The following ETV6 variants were observed in gnomAD, a reference collection of about 807,000 sequenced individuals.
ETV6 encodes the protein transcription factor ETV6.
Under a neutral mutation model 51.1 loss-of-function variants are expected in ETV6, and 16 were observed. The observed-to-expected ratio is 0.31, with a 90% CI of 0.21 to 0.48. ETV6 has a LOEUF of 0.48. Ranked by LOEUF, ETV6 falls within the 20% of genes least tolerant of loss-of-function variation. ETV6 has a pLI of 0.99. For synonymous variants in ETV6, 240 were observed against 224.1 expected (o/e 1.07, Z -0.64); for missense variants, 458 against 594.8 (o/e 0.77, Z 2.39).
chr12:11,863,310 A>C (rs1946742010), intron 4 of ETV6, among the ~76,000 whole-genome samples: 1 of 152,190 alleles, frequency 6.6e-6, no homozygotes, highest in Non-Finnish European at 1.5e-5. Context: ...TTTGTAAAGA[A>C]AATTACCCCA....
chr12:11,854,790 A>G (rs1334709297), intron 4 of ETV6, among the ~76,000 whole-genome samples: 1 of 152,130 alleles, frequency 6.6e-6, no homozygotes, highest in Non-Finnish European at 1.5e-5. Context: ...AGGAAAGAAA[A>G]AAAAACCCAA....
intron 2 of ETV6, among the ~76,000 whole-genome samples, chr12:11,779,491 A>C (rs1271614189): frequency 2.0e-5 from 3 of 152,202 alleles, no homozygotes; most frequent in Non-Finnish European, 4.4e-5. Flanking sequence ...GTCAGACTCT[A>C]AAAATAGCCT....
intron 2 of ETV6, among the ~76,000 whole-genome samples, chr12:11,772,050 A>G (rs369501987): frequency 4.3e-4 from 65 of 152,380 alleles, no homozygotes; most frequent in African/African-American, 1.5e-3. Context: ...ATGACTAAAT[A>G]TAATACAGTG....
chr12:11,854,186 G>A (rs560608916), intron 4 of ETV6, among the ~76,000 whole-genome samples: 11 of 152,040 alleles, frequency 7.2e-5, no homozygotes, highest in Admixed American at 7.2e-4. Context: ...TAGATCCCGC[G>A]CATGCACAGT....
At chr12:11,709,304 C>CT (rs1865130973) in intron 1 of ETV6, among the ~76,000 whole-genome samples, 3 of 152,240 alleles carry the variant, frequency 2.0e-5, no homozygotes, top group Admixed American at 6.5e-5. Context: ...TATTCCGTTC[C>CT]TTTTTTTCTT....
At chr12:11,873,508 CTTAA>C (rs1946918122) in intron 5 of ETV6, among the ~76,000 whole-genome samples, 1 of 44,238 alleles carries the variant, frequency 2.3e-5, no homozygotes, top group Admixed American at 3.0e-4. Flanking sequence ...AACTTAGTTC[CTTAA>C]AGCTTTTCAA....
At chr12:11,660,611 A>AG (rs1555111002) in intron 1 of ETV6, among the ~76,000 whole-genome samples, 1 of 150,696 alleles carries the variant, frequency 6.6e-6, no homozygotes, top group African/African-American at 2.4e-5. Flanking sequence ...AAAAAAAAAA[A>AG]AAAAAGGGAG....
At chr12:11,657,307 A>G (rs1354170145) in intron 1 of ETV6, among the ~76,000 whole-genome samples, 1 of 152,198 alleles carries the variant, frequency 6.6e-6, no homozygotes, top group Non-Finnish European at 1.5e-5. Context: ...TCCTAGGTCC[A>G]TGTTCCTCTA....
At chr12:11,679,379 G>A (rs944342040) in intron 1 of ETV6, among the ~76,000 whole-genome samples, 27 of 152,234 alleles carry the variant, frequency 1.8e-4, no homozygotes, top group Admixed American at 1.7e-3. Context: ...GCACAGCATA[G>A]GTAGAGTAAG....
chr12:11,656,688 T>G (rs1864004922), intron 1 of ETV6, among the ~76,000 whole-genome samples: 2 of 151,836 alleles, frequency 1.3e-5, no homozygotes, highest in African/African-American at 2.4e-5. Flanking sequence ...GTGTTTTTCT[T>G]GCTTCCTCCG....
At chr12:11,704,472 G>T (rs183955273) in intron 1 of ETV6, among the ~76,000 whole-genome samples, 2 of 151,884 alleles carry the variant, frequency 1.3e-5, no homozygotes, top group African/African-American at 2.4e-5. Context: ...CCAGCCTCCC[G>T]AGCAGCTGGG....
chr12:11,890,315 T>A (rs1206297643), intron 7 of ETV6, among the ~76,000 whole-genome samples: 1 of 149,612 alleles, frequency 6.7e-6, no homozygotes, highest in Non-Finnish European at 1.5e-5. Flanking sequence ...AATCTAATTC[T>A]GTAAAAGAAA....
chr12:11,670,894 C>T (rs1234600974), intron 1 of ETV6, among the ~76,000 whole-genome samples: 1 of 152,150 alleles, frequency 6.6e-6, no homozygotes, highest in Admixed American at 6.6e-5. Flanking sequence ...GGGTTCTAAT[C>T]ATTTATAACG....
chr12:11,695,989 C>T (rs1375904036), intron 1 of ETV6, among the ~76,000 whole-genome samples: 2 of 151,926 alleles, frequency 1.3e-5, no homozygotes, highest in African/African-American at 4.8e-5. Context: ...GAGATGAGGA[C>T]CCCTAAGGCC....
intron 2 of ETV6, among the ~76,000 whole-genome samples, chr12:11,760,908 G>GTGTGTGTGTA (rs375523984): frequency 5.3e-5 from 8 of 150,334 alleles, no homozygotes; most frequent in East Asian, 2.0e-4. Flanking sequence ...GTGTGTGTGT[G>GTGTGTGTGTA]TATATAAAAG....
chr12:11,870,823 T>C (rs994720439), intron 5 of ETV6, among the ~76,000 whole-genome samples: 1 of 152,198 alleles, frequency 6.6e-6, no homozygotes, highest in African/African-American at 2.4e-5. Flanking sequence ...CACTAAGATA[T>C]AAGGCAGAAT....
chr12:11,836,902 A>G (rs957300366), intron 2 of ETV6, among the ~76,000 whole-genome samples: 1 of 152,218 alleles, frequency 6.6e-6, no homozygotes, highest in African/African-American at 2.4e-5. Flanking sequence ...AGGCCTGAGG[A>G]ACCAGACCTT....
At chr12:11,845,108 C>T (rs754496706) in intron 3 of ETV6, among the ~76,000 whole-genome samples, 1 of 152,184 alleles carries the variant, frequency 6.6e-6, no homozygotes, top group Non-Finnish European at 1.5e-5. Flanking sequence ...GGATTACAGG[C>T]GTGAGCTACT....
intron 2 of ETV6, among the ~76,000 whole-genome samples, chr12:11,761,731 A>T (rs1003516250): frequency 6.6e-6 from 1 of 152,230 alleles, no homozygotes; most frequent in Non-Finnish European, 1.5e-5. Flanking sequence ...GTGGCTGATT[A>T]CTTGGGTCAT....
Sources: allele counts gnomAD v4.1 joint callset (sites outside exome capture counted in the v4.1 genomes callset), GRCh38; gene constraint gnomAD v4.1.1; transcripts MANE v1.5; gene names NCBI Gene and HGNC (gene_info 2026-07-23, HGNC 2026-07-21).